Variants in ARHGAP25 observed in about 807,000 individuals in gnomAD.
ARHGAP25 encodes the protein Rho GTPase activating protein 25, also known as rho GTPase-activating protein 25.
A neutral mutation model predicts 71.0 loss-of-function variants in ARHGAP25; 34 were observed. The observed-to-expected ratio is 0.48, with a 90% CI of 0.36 to 0.64. ARHGAP25 has a LOEUF of 0.64. Among genes scored for constraint, ARHGAP25 ranks in the 30% least tolerant of loss-of-function variants. ARHGAP25 has a pLI of 0.00. For synonymous variants in ARHGAP25, 282 were observed against 296.5 expected (o/e 0.95, Z 0.50); for missense variants, 706 against 805.1 (o/e 0.88, Z 1.49).
At chr2:68,807,073 A>G (rs1026744074) in intron 4 of ARHGAP25, among the ~76,000 whole-genome samples, 200 bp from the exon 5 acceptor site, 1 of 152,238 alleles carries the variant, frequency 6.6e-6, no homozygotes, top group African/African-American at 2.4e-5. Context: ...GGTCAATATA[A>G]AAAGACTGAT....
chr2:68,822,984 A>T, intron 10 of ARHGAP25, 112 bp downstream of exon 10: 1 of 1,151,710 alleles, frequency 8.7e-7, no homozygotes, highest in Non-Finnish European at 1.2e-6. Flanking sequence ...TTTGGGGAAG[A>T]CAGTAATCTA....
In ARHGAP25 at chr2:68,775,300, C is replaced by T; in HGVS notation, c.141C>T (p.Pro47=). 1 of 1,614,258 alleles carries T rather than the reference C, an allele frequency of 6.2e-7. No individual in the cohort carries two copies. The highest frequency in any genetic ancestry group is 1.3e-5 in the African/African-American group (1 of 75,068). The change falls in exon 2 of 11, where the codon CCC becomes CCT. Residue 47 remains proline, a synonymous_variant. Coordinates refer to ENST00000409202, the MANE Select transcript of ARHGAP25 (RefSeq NM_001007231.3). ...PSSTPNPLER[P]IKMGWLKKQR... ...CCACCCCCAACCCGCTGGAGAGGCC[C>T]ATCAAGATGGGCTGGCTGAAGAAGC...
chr2:68,803,059 A>G (rs1054559475), intron 4 of ARHGAP25, among the ~76,000 whole-genome samples: 1 of 152,168 alleles, frequency 6.6e-6, no homozygotes, highest in African/African-American at 2.4e-5. Flanking sequence ...TTAATAAGTT[A>G]TAAGTTTATA....
chr2:68,799,665 C>T (rs529849484), intron 4 of ARHGAP25, among the ~76,000 whole-genome samples: 1 of 152,048 alleles, frequency 6.6e-6, no homozygotes, highest in African/African-American at 2.4e-5. Flanking sequence ...ATTTTTATTG[C>T]GGTCCTTGAC....
chr2:68,805,485 A>T (rs968870500), intron 4 of ARHGAP25, among the ~76,000 whole-genome samples: 3 of 152,016 alleles, frequency 2.0e-5, no homozygotes, highest in African/African-American at 7.3e-5. Context: ...TCCCTGATGA[A>T]CTGCCAGGGC....
intron 1 of ARHGAP25, chr2:68,774,955 CCG>C: frequency 7.1e-7 from 1 of 1,418,246 alleles, no homozygotes; most frequent in Non-Finnish European, 9.2e-7. Context: ...ACGGGGCCCG[CCG>C]CGGTGCCGGA....
At chr2:68,791,068 C>G (rs1471920599) in intron 4 of ARHGAP25, among the ~76,000 whole-genome samples, 1 of 152,202 alleles carries the variant, frequency 6.6e-6, no homozygotes, top group Non-Finnish European at 1.5e-5. Context: ...GGCTTGGTCC[C>G]TTACCGTCTT....
intron 1 of ARHGAP25, among the ~76,000 whole-genome samples, chr2:68,754,919 G>A (rs1463398580): frequency 6.9e-6 from 1 of 144,550 alleles, no homozygotes; most frequent in Non-Finnish European, 1.5e-5. Context: ...TTTTCTTATT[G>A]TTGAGTTTTG....
At chr2:68,815,010 G>A (rs4341972) in intron 6 of ARHGAP25, among the ~76,000 whole-genome samples, 47,338 of 152,152 alleles carry the variant, frequency 0.31, 8,142 homozygotes, top group South Asian at 0.44. Flanking sequence ...AAAGATAAAC[G>A]TTTCAGATCG....
At chr2:68,718,033 T>G (rs1415265987) in intron 2 of ARHGAP25, among the ~76,000 whole-genome samples, 3 of 151,696 alleles carry the variant, frequency 2.0e-5, no homozygotes, top group Non-Finnish European at 4.4e-5. Context: ...TTGGTGGGAG[T>G]AGAAGTAAAT....
At chr2:68,784,779 G>C (rs930269673) in intron 3 of ARHGAP25, among the ~76,000 whole-genome samples, 3 of 152,224 alleles carry the variant, frequency 2.0e-5, no homozygotes, top group Non-Finnish European at 2.9e-5. Context: ...CTGCATGCAC[G>C]TTACGTGGGA....
intron 1 of ARHGAP25, among the ~76,000 whole-genome samples, chr2:68,770,135 C>T (rs1322836839): frequency 6.6e-6 from 1 of 151,990 alleles, no homozygotes; most frequent in Non-Finnish European, 1.5e-5. Flanking sequence ...GGAGGTAAAG[C>T]AGGTTTGGGC....
chr2:68,775,019 G>C, intron 1 of ARHGAP25: 3 of 1,486,046 alleles, frequency 2.0e-6, no homozygotes, highest in Non-Finnish European at 2.7e-6. Flanking sequence ...TCTTGGCCTG[G>C]CCCTGACCGG....
intron 1 of ARHGAP25, among the ~76,000 whole-genome samples, chr2:68,740,478 C>T (rs903343386): frequency 1.5e-4 from 23 of 152,308 alleles, no homozygotes; most frequent in Non-Finnish European, 2.5e-4. Flanking sequence ...CCACATCCTC[C>T]CTTCTGTAGC....
At chr2:68,727,521 T>C (rs1674914218) in intron 2 of ARHGAP25, among the ~76,000 whole-genome samples, 1 of 152,164 alleles carries the variant, frequency 6.6e-6, no homozygotes, top group Non-Finnish European at 1.5e-5. Context: ...GGCATCACCC[T>C]ACTTCACAAA....
chr2:68,719,995 C>T (rs1674719051), intron 2 of ARHGAP25, among the ~76,000 whole-genome samples: 1 of 152,170 alleles, frequency 6.6e-6, no homozygotes, highest in African/African-American at 2.4e-5. Context: ...AAAGTCCATG[C>T]TTAAAGATTT....
chr2:68,763,832 G>T (rs893010728), intron 1 of ARHGAP25, among the ~76,000 whole-genome samples: 1 of 151,930 alleles, frequency 6.6e-6, no homozygotes, highest in Non-Finnish European at 1.5e-5. Context: ...TGTGTGTATG[G>T]CAGTTATATA....
intron 1 of ARHGAP25, among the ~76,000 whole-genome samples, chr2:68,763,149 T>C (rs576181808): frequency 1.3e-5 from 2 of 152,360 alleles, no homozygotes; most frequent in Admixed American, 6.5e-5. Context: ...TTGGCTTTTT[T>C]GTATTTGATC....
intron 5 of ARHGAP25, among the ~76,000 whole-genome samples, chr2:68,809,821 GAAGGTGAGCA>G (rs1680647447): frequency 1.3e-5 from 2 of 152,176 alleles, no homozygotes; most frequent in African/African-American, 4.8e-5. Context: ...TCACTAGAAT[GAAGGTGAGCA>G]AAGTTGCTGT....
Sources: allele counts gnomAD v4.1 joint callset (sites outside exome capture counted in the v4.1 genomes callset), GRCh38; gene constraint gnomAD v4.1.1; transcripts MANE v1.5; gene names NCBI Gene and HGNC (gene_info 2026-07-23, HGNC 2026-07-21).